ACSBG1: variants seen among roughly 807,000 people sequenced by gnomAD.
The protein encoded by ACSBG1 is long-chain-fatty-acid--CoA ligase ACSBG1.
In ACSBG1, 39 loss-of-function variants were observed where a neutral mutation model predicts 80.2. The ratio of observed to expected loss-of-function variants is 0.49; its 90% CI spans 0.38 to 0.64. The LOEUF is 0.64. Among genes scored for constraint, ACSBG1 ranks in the 30% least tolerant of loss-of-function variants. ACSBG1 has a pLI of 0.00. For synonymous variants in ACSBG1, 392 were observed against 379.5 expected (o/e 1.03, Z -0.38); for missense variants, 828 against 966.4 (o/e 0.86, Z 1.90).
chr15:78,188,162 A>G, intron 5 of ACSBG1, among the ~76,000 whole-genome samples: 1 of 152,204 alleles, frequency 6.6e-6, no homozygotes, highest in Non-Finnish European at 1.5e-5. Context: ...ACCACTGCTC[A>G]AGGAAATAAA....
At chr15:78,207,631 A>C (rs1221704814) in intron 2 of ACSBG1, 1 of 242,578 alleles carries the variant, frequency 4.1e-6, no homozygotes, top group African/African-American at 2.2e-5. Context: ...TAACCAGGCC[A>C]AAAATCCCAA....
chr15:78,194,803 C>T, intron 2 of ACSBG1, 77 bp from the exon 3 acceptor site: 2 of 1,456,748 alleles, frequency 1.4e-6, no homozygotes, highest in Non-Finnish European at 1.9e-6. Context: ...GAGCTCGCAG[C>T]CCGTCTGGTG....
At chr15:78,214,206 C>T (rs2075290106) in intron 1 of ACSBG1, among the ~76,000 whole-genome samples, 1 of 152,200 alleles carries the variant, frequency 6.6e-6, no homozygotes, top group Non-Finnish European at 1.5e-5. Flanking sequence ...CAGCAGCCAG[C>T]CCCCACCAGC....
chr15:78,225,897 T>C (rs1392016687), intron 1 of ACSBG1, among the ~76,000 whole-genome samples: 1 of 152,204 alleles, frequency 6.6e-6, no homozygotes, highest in African/African-American at 2.4e-5. Context: ...AGTCTTCATA[T>C]GAAGGCTCAG....
chr15:78,197,214 C>G (rs2075122139), intron 2 of ACSBG1, among the ~76,000 whole-genome samples: 2 of 151,952 alleles, frequency 1.3e-5, no homozygotes, highest in African/African-American at 4.8e-5. Flanking sequence ...AGATAGAAAG[C>G]AGATTCGTGT....
chr15:78,189,565 G>T (rs559288763), intron 5 of ACSBG1, among the ~76,000 whole-genome samples: 18 of 151,638 alleles, frequency 1.2e-4, no homozygotes, highest in South Asian at 4.2e-4. Context: ...GTAAACTATC[G>T]CAAGAACAAA....
chr15:78,177,045 C>T lies in ACSBG1; in HGVS notation c.1702+1569G>A, dbSNP rs570007185. Reference sequence around the variant, plus strand: ...TATTTGTGAATTGGAAGAGACAATACTATAAACATGTATTTTTCTCACCAA... The same window carrying T: ...TATTTGTGAATTGGAAGAGACAATATTATAAACATGTATTTTTCTCACCAA... On this transcript the variant is annotated intron_variant, in intron 11 of 13. Coordinates refer to ENST00000258873, the MANE Select transcript of ACSBG1 (RefSeq NM_015162.5). This position sits in a 1 kb window ranked among gnomAD's most constrained non-coding sequence, Gnocchi z 4.1. Among the ~76,000 whole-genome samples, 28 of 152,170 alleles carry T rather than the reference C, an allele frequency of 1.8e-4. No homozygotes were observed. The highest frequency in any genetic ancestry group is 3.7e-4 in the Non-Finnish European group (25 of 67,994).
intron 8 of ACSBG1, 95 bp from the exon 9 acceptor site, chr15:78,181,031 T>C: frequency 2.8e-6 from 4 of 1,443,160 alleles, no homozygotes; most frequent in Non-Finnish European, 3.8e-6. Flanking sequence ...GGCACACACA[T>C]GCTCCAACGG....
chr15:78,215,783 A>AAAGG (rs2075307442), intron 1 of ACSBG1, among the ~76,000 whole-genome samples: 3 of 149,382 alleles, frequency 2.0e-5, no homozygotes, highest in African/African-American at 7.6e-5. Flanking sequence ...AGAAAGAAAG[A>AAAGG]AAGAGAAAGA....
At chr15:78,214,860 T>C (rs1029843875) in intron 1 of ACSBG1, among the ~76,000 whole-genome samples, 2 of 152,180 alleles carry the variant, frequency 1.3e-5, no homozygotes, top group African/African-American at 4.8e-5. Context: ...CCTAAACTGG[T>C]AGGTCAATGC....
intron 12 of ACSBG1, 137 bp from the exon 13 acceptor site, chr15:78,173,976 G>A: frequency 9.3e-7 from 1 of 1,075,870 alleles, no homozygotes; most frequent in Non-Finnish European, 1.3e-6. Flanking sequence ...TCTAGAATGA[G>A]TAGCTGCTAC....
intron 5 of ACSBG1, among the ~76,000 whole-genome samples, chr15:78,188,331 G>C (rs1468335882): frequency 6.6e-6 from 1 of 151,834 alleles, no homozygotes; most frequent in Non-Finnish European, 1.5e-5. Flanking sequence ...CTACTTTAAA[G>C]TTCATATGGA....
intron 1 of ACSBG1, among the ~76,000 whole-genome samples, chr15:78,222,570 G>A (rs1254041182): frequency 6.6e-6 from 1 of 152,148 alleles, no homozygotes; most frequent in East Asian, 1.9e-4. Context: ...GGCTGAGGCA[G>A]GAAGATCACT....
rs2074831166 is a variant in ACSBG1, at chr15:78,172,106, A to G, written c.2090-577T>C. ...AGCTGAGGCCTGCCGACAGCCACGTAAGTGAGCGCGGAGGTGAGCCTCAGC... is the reference window on the plus strand; with the variant it reads ...AGCTGAGGCCTGCCGACAGCCACGTGAGTGAGCGCGGAGGTGAGCCTCAGC... On this transcript the variant is annotated intron_variant, in intron 13 of 13. Transcript: ENST00000258873. The surrounding 1 kb of genome is among the most constrained non-coding windows in gnomAD (Gnocchi z 4.1). 6.6e-6 allele frequency among the ~76,000 whole-genome samples: 1 copy of G among 152,226 alleles called. No individual in the cohort carries two copies. Among genetic ancestry groups the G allele is most frequent in the Non-Finnish European group, 1.5e-5 (1 of 68,034 alleles).
Position 78,194,494 on chromosome 15 carries a change from G to A in ACSBG1, c.453+12C>T, listed in dbSNP as rs2141348732. ...GGGAGGGGCAAGGCCTTGCCATGAG[G>A]GGCCCCCTTACCTTCAGGAAGCCCT... On this transcript the variant is annotated intron_variant, in intron 3 of 13. Coordinates refer to ENST00000258873, the MANE Select transcript of ACSBG1 (RefSeq NM_015162.5). The A allele has an allele frequency of 6.2e-7, 1 of 1,613,548 alleles. No homozygotes were observed. Among genetic ancestry groups the A allele is most frequent in the East Asian group, 2.2e-5 (1 of 44,856 alleles).
chr15:78,201,948 G>A (rs376465938), intron 2 of ACSBG1, among the ~76,000 whole-genome samples: 1 of 152,208 alleles, frequency 6.6e-6, no homozygotes, highest in South Asian at 2.1e-4. Context: ...AGTGCTCCCT[G>A]TAGGTGGTGA....
intron 13 of ACSBG1, among the ~76,000 whole-genome samples, chr15:78,173,033 A>T (rs756178610): frequency 1.4e-4 from 22 of 152,228 alleles, no homozygotes; most frequent in Non-Finnish European, 3.1e-4. Flanking sequence ...GTTAAATGTC[A>T]TGTTCAGATT....
intron 5 of ACSBG1, among the ~76,000 whole-genome samples, chr15:78,188,453 C>A (rs1383669972): frequency 6.6e-6 from 1 of 151,118 alleles, no homozygotes; most frequent in African/African-American, 2.4e-5. Context: ...ACCAAAACAG[C>A]ATGGTACTGG....
At chr15:78,220,099 C>G (rs1470338354) in intron 1 of ACSBG1, among the ~76,000 whole-genome samples, 1 of 152,104 alleles carries the variant, frequency 6.6e-6, no homozygotes, top group African/African-American at 2.4e-5. Flanking sequence ...TGAAAACCTA[C>G]AGTAATTAAG....
Sources: gnomAD v4.1 joint callset for allele counts (sites outside exome capture counted in the v4.1 genomes callset) on GRCh38, gnomAD v4.1.1 for gene constraint, Gnocchi (gnomAD v3.1) non-coding constraint, MANE v1.5 for transcripts, NCBI Gene and HGNC (gene_info 2026-07-23, HGNC 2026-07-21) for gene names.